TTN: variants seen among roughly 807,000 people sequenced by gnomAD.
The protein encoded by TTN is titin.
In TTN, 1,525 loss-of-function variants were observed where a neutral mutation model predicts 3,223.0. The observed-to-expected ratio is 0.47, with a 90% CI of 0.45 to 0.49. The LOEUF (loss-of-function observed/expected upper bound fraction) is 0.49, where lower values mean the gene tolerates loss of function less well. TTN is among the 20% of genes least tolerant of loss of function. The pLI is 0.00. For synonymous variants in TTN, 14,094 were observed against 15,161.0 expected, an observed-to-expected ratio of 0.93 and a Z score of 5.17; for missense variants, 40,786 against 43,424.0, an observed-to-expected ratio of 0.94 and a Z score of 5.40.
In TTN at chr2:178,535,285, G is replaced by A. The variant is rs983842520; in HGVS notation, c.101330C>T (p.Ser33777Leu). ...ATCTTCTTTGGTTATGGTTGGTTCT[G>A]AAGGCTCTGAAGGCTTGCTCAGACC... is the stretch of plus-strand genomic sequence containing the variant. The part of the protein sequence containing the change: ...KFGLSKPSEP[S>L]EPTITKEDKT... The change falls in exon 358 of 363, where the codon TCA (serine) becomes TTA (leucine). Residue 33777 changes from serine to leucine, a missense_variant. Transcript: ENST00000589042. 2.5e-6 allele frequency: 4 copies of A among 1,613,754 alleles called. No homozygotes were observed. The highest frequency in any genetic ancestry group is 1.7e-5 in the Admixed American group (1 of 59,982).
Position 178,583,062 on chromosome 2 carries a change from A to T in TTN, c.65741T>A (p.Met21914Lys). The part of the protein sequence containing the change: ...LKPAEGIKMA[M>K]QRNLCTLELF... ...CTCCAAGGTGCACAGATTCCGCTGC[A>T]TGGCCATCTTTATGCCTTCTGCTGG... Residue 21914 changes from methionine (M) to lysine (K), a missense_variant, in exon 313 of 363, where the codon ATG (methionine) becomes AAG (lysine). Physicochemically the swap from Met to Lys is moderately conservative, Grantham distance 95 (BLOSUM62 -1). Coordinates refer to ENST00000589042, the MANE Select transcript of TTN (RefSeq NM_001267550.2). 1 of 1,611,566 alleles carries T rather than the reference A, an allele frequency of 6.2e-7. No individual in the cohort carries two copies. Among genetic ancestry groups the T allele is most frequent in the South Asian group, 1.1e-5 (1 of 90,850 alleles).
chr2:178,634,363 T>A lies in TTN; in HGVS notation c.42415+3A>T. The A allele has an allele frequency of 6.2e-7, 1 of 1,601,322 alleles. No homozygotes were observed. The highest frequency in any genetic ancestry group is 8.5e-7 in the Non-Finnish European group (1 of 1,176,960). On this transcript the variant is annotated splice_donor_region_variant and intron_variant, in intron 230 of 362. Coordinates refer to ENST00000589042, the MANE Select transcript of TTN (RefSeq NM_001267550.2). The surrounding 1 kb of genome is among the most constrained non-coding windows in gnomAD (Gnocchi z 4.6). Reference sequence around the variant, plus strand: ...ATGTCACAGATCTCATTAGCTCGCTTACCTGTGACAAACAACCGAGCTGAG... The same window carrying A: ...ATGTCACAGATCTCATTAGCTCGCTAACCTGTGACAAACAACCGAGCTGAG...
rs2057620713 is a variant in TTN, at chr2:178,617,727, C to A, written c.47572+52G>T. ...AACTTGATTTATTTTAATTGATAGG[C>A]CTAATATCTGGATTTCATGCAGTAA... On this transcript the variant is annotated intron_variant, in intron 253 of 362. Coordinates refer to ENST00000589042, the MANE Select transcript of TTN (RefSeq NM_001267550.2). 7.0e-6 allele frequency: 11 copies of A among 1,582,114 alleles called. No homozygotes were observed. In the South Asian group the frequency reaches 1.2e-4, roughly 18 times the overall value.
Position 178,620,224 on chromosome 2 carries a change from C to A in TTN, c.46297G>T (p.Gly15433Cys). 6.5e-7 allele frequency: 1 copy of A among 1,535,124 alleles called. No individual in the cohort carries two copies. Among genetic ancestry groups the A allele is most frequent in the Non-Finnish European group, 8.7e-7 (1 of 1,145,594 alleles). ...WYRNGREIKEGKKYKFEKDGS... is the reference protein window; with the variant it reads ...WYRNGREIKECKKYKFEKDGS... ...TAAAAAGATCTTGCTTACTTTTTGC[C>A]TTCTTTGATTTCTCTCCCATTTCTG... Residue 15433 changes from glycine (G) to cysteine (C), a missense_variant, in exon 248 of 363, where the codon GGC (glycine) becomes TGC (cysteine). Transcript: ENST00000589042.
In TTN at chr2:178,616,181, A is replaced by C. The variant is rs189807453; in HGVS notation, c.48312+298T>G. ...CCAGGGAAATAAATATTTACTTTCC[A>C]CTTCTAGCTTAATGGGTACATATTG... is the stretch of plus-strand genomic sequence containing the variant. On this transcript the variant is annotated intron_variant, in intron 257 of 362. Coordinates refer to ENST00000589042, the MANE Select transcript of TTN (RefSeq NM_001267550.2). Among the ~76,000 whole-genome samples the C allele has an allele frequency of 1.6e-4, 25 of 152,010 alleles. No individual in the cohort carries two copies. In the East Asian group the frequency reaches 4.7e-3, roughly 29 times the overall value.
At chr2:178,605,862 G>A (rs2054653110) in intron 278 of TTN, 149 bp from the exon 279 acceptor site, 1 of 680,274 alleles carries the variant, frequency 1.5e-6, no homozygotes, top group South Asian at 7.0e-5. Flanking sequence ...AAACTTGTCA[G>A]TTGCCAAAAT....
Position 178,609,413 on chromosome 2 carries a change from G to T in TTN, c.51897C>A (p.Pro17299=). The change falls in exon 273 of 363, where the codon CCC becomes CCA. Residue 17299 remains proline, a synonymous_variant. Transcript: ENST00000589042. ...CTTCACCCTTCCTTCTCCTAACCAA[G>T]GGTGCTGCACGCTTCTTAATTTCCT... ...VPEEIKKRAA[P]LVRRRKGEVQ... The T allele has an allele frequency of 6.2e-7, 1 of 1,612,206 alleles. No homozygotes were observed. The highest frequency in any genetic ancestry group is 8.5e-7 in the Non-Finnish European group (1 of 1,179,026).
At chr2:178,772,759 G>A (rs928052921) in intron 33 of TTN, among the ~76,000 whole-genome samples, 2 of 152,092 alleles carry the variant, frequency 1.3e-5, no homozygotes, top group Non-Finnish European at 2.9e-5. Context: ...CAGATTTCAG[G>A]AGTTTATACA....
In TTN at chr2:178,727,258, G is replaced by T; in HGVS notation, c.20107C>A (p.Arg6703=). ...GSPEIRVVWF[R]NEHELPASDK... ...CTGGCTGGAAGTTCATGTTCATTTC[G>T]GAACCACACAACTCTGATTTCTGGG... The change falls in exon 69 of 363, where the codon CGA becomes AGA. Residue 6703 remains arginine, a synonymous_variant. Coordinates refer to ENST00000589042, the MANE Select transcript of TTN (RefSeq NM_001267550.2). The T allele has an allele frequency of 1.9e-6, 3 of 1,613,002 alleles. No individual in the cohort carries two copies. Among genetic ancestry groups the T allele is most frequent in the Non-Finnish European group, 1.7e-6 (2 of 1,179,380 alleles).
Position 178,610,085 on chromosome 2 carries a change from C to T in TTN, c.51436+5G>A. ...TAGCCATAGTGCATCCATGTCCAAA[C>T]TTACGCTTTGGATCTTGAGCAATGA... On this transcript the variant is annotated splice_donor_5th_base_variant and intron_variant, in intron 271 of 362. Coordinates refer to ENST00000589042, the MANE Select transcript of TTN (RefSeq NM_001267550.2). 1 of 1,612,630 alleles carries T rather than the reference C, an allele frequency of 6.2e-7. No individual in the cohort carries two copies. The highest frequency in any genetic ancestry group is 8.5e-7 in the Non-Finnish European group (1 of 1,179,230).
intron 163 of TTN, 97 bp from the exon 164 acceptor site, chr2:178,665,888 T>C (rs999926240): frequency 5.8e-6 from 3 of 521,504 alleles, no homozygotes; most frequent in Non-Finnish European, 8.8e-6. Flanking sequence ...ATGGGAACCT[T>C]CTCCCACTCC....
chr2:178,630,758 T>G, intron 238 of TTN, 46 bp downstream of exon 238: 1 of 1,572,478 alleles, frequency 6.4e-7, no homozygotes, highest in East Asian at 2.2e-5. Flanking sequence ...TCTTTTCTAA[T>G]TCACACAGCT....
intron 143 of TTN, 111 bp downstream of exon 143, chr2:178,678,636 T>C (rs2068639450): frequency 1.7e-6 from 2 of 1,164,570 alleles, no homozygotes; most frequent in Non-Finnish European, 1.2e-6. Flanking sequence ...AAATAAAATA[T>C]TTAATTTTCT....
chr2:178,585,150 T>C lies in TTN; in HGVS notation c.64594A>G (p.Lys21532Glu), dbSNP rs794729477. Reference protein sequence around the residue: ...SILIIKDVTRKDSGYYSLTAE... With the variant: ...SILIIKDVTREDSGYYSLTAE... ...GTGAGGCTGTAGTAACCACTGTCTT[T>C]CCTAGTCACATCTTTTATGATCAGA... The change falls in exon 309 of 363, where the codon AAA becomes GAA. Residue 21532 changes from lysine (K) to glutamate (E), a missense_variant. Physicochemically the swap from Lys to Glu is moderately conservative, Grantham distance 56 (BLOSUM62 1). Transcript: ENST00000589042. 3.7e-6 allele frequency: 6 copies of C among 1,613,402 alleles called. No individual in the cohort carries two copies. Among genetic ancestry groups the C allele is most frequent in the Non-Finnish European group, 5.1e-6 (6 of 1,179,478 alleles).
At position 178,632,798 on chromosome 2, in the gene TTN, A is replaced by G; in HGVS notation, c.43214-6T>C. 6.2e-7 allele frequency: 1 copy of G among 1,612,962 alleles called. No homozygotes were observed. Among genetic ancestry groups the G allele is most frequent in the Non-Finnish European group, 8.5e-7 (1 of 1,179,452 alleles). ...GATGAAGATAAGAGGCAATTCTGAA[A>G]GAAGTGGACAGTGGATGAAGTCAGA... On this transcript the variant is annotated splice_polypyrimidine_tract_variant and splice_region_variant and intron_variant, in intron 234 of 362. Coordinates refer to ENST00000589042, the MANE Select transcript of TTN (RefSeq NM_001267550.2).
In TTN at chr2:178,577,424, T is replaced by A. The variant is rs1335554435; in HGVS notation, c.68911A>T (p.Ile22971Phe). The A allele has an allele frequency of 1.2e-6, 2 of 1,611,140 alleles. No individual in the cohort carries two copies. The highest frequency in any genetic ancestry group is 1.7e-5 in the Admixed American group (1 of 59,938). Residue 22971 changes from isoleucine (I) to phenylalanine (F), a missense_variant, in exon 324 of 363, where the codon ATT becomes TTT. By Grantham distance (21) the Ile-to-Phe change is conservative (BLOSUM62 0). Transcript: ENST00000589042. ...GDTIVLNAIS[I>F]LGKPLPKSSW... ...GATTTTGGAAGGGGTTTGCCAAGAA[T>A]GCTAATGGCATTCAAAACAATGGTA...
chr2:178,748,206 A>T lies in TTN; in HGVS notation c.11311+4918T>A, dbSNP rs376557941. On this transcript the variant is annotated intron_variant, in intron 47 of 362. Coordinates refer to ENST00000589042, the MANE Select transcript of TTN (RefSeq NM_001267550.2). ...GATGAGGTTGGAAGTAGGGCACATG[A>T]TTCACTATAGATTTCTTCAGAAAAG... is the stretch of plus-strand genomic sequence containing the variant. 2.0e-4 allele frequency: 330 copies of T among 1,613,102 alleles called. 9 individuals are homozygous for T. The South Asian group carries it at 3.4e-3, about 17-fold the overall frequency.
In TTN at chr2:178,731,504, C is replaced by A. The variant is rs890346105; in HGVS notation, c.17262G>T (p.Lys5754Asn). 1 of 1,613,544 alleles carries A rather than the reference C, an allele frequency of 6.2e-7. No homozygotes were observed. The highest frequency in any genetic ancestry group is 2.2e-5 in the East Asian group (1 of 44,780). ...AAGTCACCGTAATTGGCAAGGAGCC[C>A]TTCAGAGTGGCCTGGAAGGCAGCTG... ...GGTAAFQATL[K>N]GSLPITVTWL... Residue 5754 changes from lysine to asparagine, a missense_variant, in exon 59 of 363, where the codon AAG (lysine) becomes AAT (asparagine). By Grantham distance (94) the Lys-to-Asn change is moderately conservative. Coordinates refer to ENST00000589042, the MANE Select transcript of TTN (RefSeq NM_001267550.2).
Position 178,576,910 on chromosome 2 carries a change from A to G in TTN, c.69412+13T>C, listed in dbSNP as rs2046563454. ...AATGTTTCCATGTCAATTCCCTCAC[A>G]TGCTCTACATACCAAATCTGTCTAC... On this transcript the variant is annotated intron_variant, in intron 324 of 362. Coordinates refer to ENST00000589042, the MANE Select transcript of TTN (RefSeq NM_001267550.2). The surrounding 1 kb of genome is among the most constrained non-coding windows in gnomAD (Gnocchi z 4.3). 3 of 1,607,768 alleles carry G rather than the reference A, an allele frequency of 1.9e-6. No homozygotes were observed. Among genetic ancestry groups the G allele is most frequent in the African/African-American group, 1.3e-5 (1 of 74,374 alleles).
Sources: allele counts gnomAD v4.1 joint callset (sites outside exome capture counted in the v4.1 genomes callset), GRCh38; gene constraint gnomAD v4.1.1; non-coding constraint Gnocchi (gnomAD v3.1); transcripts MANE v1.5; gene names NCBI Gene and HGNC (gene_info 2026-07-23, HGNC 2026-07-21).